The following RPS6KC1 variants were observed in gnomAD, a reference collection of about 807,000 sequenced individuals.
RPS6KC1 encodes inactive ribosomal protein S6 kinase delta-1.
A neutral mutation model predicts 103.8 loss-of-function variants in RPS6KC1; 54 were observed. That is an observed-to-expected ratio of 0.52 (90% CI 0.42 to 0.65). RPS6KC1 has a LOEUF of 0.65. RPS6KC1 is among the 30% of genes least tolerant of loss of function. The pLI is 0.00. For synonymous variants in RPS6KC1, 439 were observed against 438.7 expected (o/e 1.00, Z -0.01); for missense variants, 1,151 against 1,253.8 (o/e 0.92, Z 1.24).
the RPS6KC1 span, among the ~76,000 whole-genome samples, chr1:213,335,945 A>C: frequency 6.6e-6 from 1 of 152,216 alleles, no homozygotes; most frequent in African/African-American, 2.4e-5. Flanking sequence ...TTATCAGTAT[A>C]TTTCATTTTT....
At chr1:213,258,321 C>G (rs921051074) in intron 12 of RPS6KC1, among the ~76,000 whole-genome samples, 1 of 152,130 alleles carries the variant, frequency 6.6e-6, no homozygotes, top group Admixed American at 6.5e-5. Flanking sequence ...CCAGGCTGGT[C>G]TCAAACTCCT....
At position 213,271,266 on chromosome 1, in the gene RPS6KC1, C is replaced by T. The variant is rs187768338; in HGVS notation, c.3091-1258C>T. Among the ~76,000 whole-genome samples, 172 of 152,230 alleles carry T rather than the reference C, an allele frequency of 1.1e-3. 1 individual carries two copies. Among genetic ancestry groups the T allele is most frequent in the African/African-American group, 3.9e-3 (164 of 41,536 alleles). ...AAAAGGAATGGCCTGTTGATACCTG[C>T]TACAGTGTGGATGAATCTCAGAAAC... On this transcript the variant is annotated intron_variant, in intron 14 of 14. Coordinates refer to ENST00000366960, the MANE Select transcript of RPS6KC1 (RefSeq NM_012424.6).
chr1:213,440,729 G>A, the RPS6KC1 span, among the ~76,000 whole-genome samples: 1 of 152,044 alleles, frequency 6.6e-6, no homozygotes, highest in Non-Finnish European at 1.5e-5. Context: ...GGGTAGGATA[G>A]TCTTCTTGTA....
chr1:213,411,492 G>C, the RPS6KC1 span, among the ~76,000 whole-genome samples: 1 of 152,190 alleles, frequency 6.6e-6, no homozygotes, highest in South Asian at 2.1e-4. Context: ...GGGTGTTGTA[G>C]CTTGAATTGG....
intron 10 of RPS6KC1, among the ~76,000 whole-genome samples, chr1:213,239,711 A>G (rs991570032): frequency 2.8e-4 from 42 of 152,204 alleles, no homozygotes; most frequent in African/African-American, 9.6e-4. Context: ...TTAATTTTTC[A>G]TTTCTTTGCA....
the RPS6KC1 span, among the ~76,000 whole-genome samples, chr1:213,453,801 T>G: frequency 6.6e-6 from 1 of 152,154 alleles, no homozygotes; most frequent in Non-Finnish European, 1.5e-5. Context: ...GTGGTAAAGC[T>G]GGGACTAAAT....
At chr1:213,179,281 G>A (rs780582637) in intron 8 of RPS6KC1, among the ~76,000 whole-genome samples, 1 of 151,884 alleles carries the variant, frequency 6.6e-6, no homozygotes, top group African/African-American at 2.4e-5. Context: ...TGGGCATTGC[G>A]GTGGGCGCCT....
intron 6 of RPS6KC1, among the ~76,000 whole-genome samples, chr1:213,155,567 T>C (rs144275502): frequency 5.1e-4 from 78 of 152,282 alleles, no homozygotes; most frequent in African/African-American, 1.8e-3. Context: ...TCACAGTTGC[T>C]GTGTTCTCCC....
the RPS6KC1 span, among the ~76,000 whole-genome samples, chr1:213,602,096 CTTTCTTTCTTTCTTTCTTTCTTTCTCTT>C: frequency 6.3e-5 from 2 of 31,986 alleles, no homozygotes; most frequent in African/African-American, 1.8e-4. Context: ...TTCTTTCTTT[CTTTCTTTCTTTCTTTCTTTCTTTCTCTT>C]TCTTTCTTTC....
the RPS6KC1 span, among the ~76,000 whole-genome samples, chr1:213,725,144 A>G: frequency 6.6e-6 from 1 of 152,240 alleles, no homozygotes; most frequent in Non-Finnish European, 1.5e-5. Flanking sequence ...GACTGCCAAC[A>G]TTAAAACATG....
the RPS6KC1 span, among the ~76,000 whole-genome samples, chr1:213,805,323 A>C: frequency 6.6e-6 from 1 of 152,238 alleles, no homozygotes. Context: ...TATTAACCGC[A>C]GTAGAATTTC....
the RPS6KC1 span, among the ~76,000 whole-genome samples, chr1:213,442,433 T>C: frequency 2.0e-5 from 3 of 152,182 alleles, no homozygotes; most frequent in African/African-American, 7.2e-5. Flanking sequence ...TAATATAGTC[T>C]AGCAGAAAGG....
the RPS6KC1 span, among the ~76,000 whole-genome samples, chr1:213,702,208 T>G: frequency 4.6e-5 from 7 of 152,034 alleles, no homozygotes; most frequent in Non-Finnish European, 7.4e-5. Flanking sequence ...TTACTTTCCA[T>G]GTATTTGTAT....
chr1:213,536,132 T>C, the RPS6KC1 span, among the ~76,000 whole-genome samples: 1 of 152,260 alleles, frequency 6.6e-6, no homozygotes, highest in African/African-American at 2.4e-5. Context: ...ATCTGGCAGA[T>C]AGTTCTGAAC....
chr1:213,080,057 C>T (rs1181333563), intron 3 of RPS6KC1, among the ~76,000 whole-genome samples: 1 of 151,672 alleles, frequency 6.6e-6, no homozygotes, highest in Non-Finnish European at 1.5e-5. Context: ...GCTGGAATTA[C>T]AGACACCTGC....
the RPS6KC1 span, among the ~76,000 whole-genome samples, chr1:213,554,750 C>A: frequency 1.3e-5 from 2 of 152,284 alleles, no homozygotes; most frequent in East Asian, 3.9e-4. Flanking sequence ...GAAAAAATTT[C>A]TCTTATATCC....
chr1:213,831,445 C>T, the RPS6KC1 span, among the ~76,000 whole-genome samples: 332 of 152,238 alleles, frequency 2.2e-3, 1 homozygote, highest in African/African-American at 7.2e-3. Flanking sequence ...CTGCAAAAGG[C>T]CAGGCAATGA....
At chr1:213,054,912 T>A (rs1307064900) in intron 1 of RPS6KC1, among the ~76,000 whole-genome samples, 1 of 152,238 alleles carries the variant, frequency 6.6e-6, no homozygotes, top group Non-Finnish European at 1.5e-5. Flanking sequence ...ATCAGCAGTG[T>A]TTTCAGTTAT....
the RPS6KC1 span, among the ~76,000 whole-genome samples, chr1:213,518,405 G>A: frequency 6.6e-6 from 1 of 152,168 alleles, no homozygotes; most frequent in African/African-American, 2.4e-5. Context: ...ATGTGAAGAT[G>A]GATGCAGAGA....
Sources: gnomAD v4.1 joint callset for allele counts (sites outside exome capture counted in the v4.1 genomes callset) on GRCh38, gnomAD v4.1.1 for gene constraint, MANE v1.5 for transcripts, NCBI Gene and HGNC (gene_info 2026-07-23, HGNC 2026-07-21) for gene names.